Variants in CATSPERE observed in about 807,000 individuals in gnomAD.
CATSPERE encodes the protein catsper channel auxiliary subunit epsilon.
Under a neutral mutation model 114.1 loss-of-function variants are expected in CATSPERE, and 93 were observed. That is an observed-to-expected ratio of 0.81 (90% CI 0.69 to 0.97). The LOEUF is 0.97. Ranked by LOEUF, CATSPERE falls within the 50% of genes least tolerant of loss-of-function variation. The pLI is 0.00. For missense variants in CATSPERE, 1,058 were observed against 1,131.6 expected (o/e 0.93, Z 0.93); for synonymous variants, 341 against 384.1 (o/e 0.89, Z 1.31).
chr1:244,515,335 T>A, intron 7 of CATSPERE: 1 of 980,682 alleles, frequency 1.0e-6, no homozygotes, highest in South Asian at 4.7e-5. Flanking sequence ...ATGGTGAGAT[T>A]TTTTTCATTA....
At position 244,593,272 on chromosome 1, in the gene CATSPERE, G is replaced by T. The variant is rs907057587; in HGVS notation, c.2190-123G>T. 1.3e-5 allele frequency: 12 copies of T among 947,186 alleles called. No individual in the cohort carries two copies. The Admixed American group carries it at 2.7e-4, about 21-fold the overall frequency. The allele number at this position is 947,186 out of a possible 1,614,324, so 58.7% of individuals were successfully genotyped here. ...GGATATACATGTAGAAAGTGCCTCA[G>T]TATTTCATAATTATATTTATCTGTT... On this transcript the variant is annotated intron_variant, in intron 15 of 21. Transcript: ENST00000366534.
chr1:244,585,346 C>G (rs1666882815), intron 13 of CATSPERE, among the ~76,000 whole-genome samples: 1 of 152,184 alleles, frequency 6.6e-6, no homozygotes, highest in Non-Finnish European at 1.5e-5. Flanking sequence ...TCTGTTTCCT[C>G]TTTGGTACCC....
At chr1:244,496,424 G>A (rs1430933929) in intron 6 of CATSPERE, among the ~76,000 whole-genome samples, 1 of 152,196 alleles carries the variant, frequency 6.6e-6, no homozygotes, top group African/African-American at 2.4e-5. Flanking sequence ...TGGATGGGTA[G>A]ACTTGGCTGG....
chr1:244,452,299 G>A (rs1159088396), upstream of CATSPERE, among the ~76,000 whole-genome samples: 1 of 152,276 alleles, frequency 6.6e-6, no homozygotes. Flanking sequence ...GGGCTGCGGC[G>A]GTGTATTCTG....
chr1:244,489,062 C>G (rs766980008), intron 5 of CATSPERE, among the ~76,000 whole-genome samples: 4 of 152,178 alleles, frequency 2.6e-5, no homozygotes, highest in Non-Finnish European at 4.4e-5. Context: ...ATGCAGGTAA[C>G]TTTACAGTGA....
chr1:244,553,375 C>T (rs1360838222), intron 9 of CATSPERE, among the ~76,000 whole-genome samples: 2 of 151,670 alleles, frequency 1.3e-5, no homozygotes, highest in African/African-American at 4.9e-5. Context: ...TGGTGAAACC[C>T]CGTCTCTACT....
intron 17 of CATSPERE, among the ~76,000 whole-genome samples, chr1:244,603,954 C>T (rs1669628945): frequency 6.6e-6 from 1 of 152,210 alleles, no homozygotes; most frequent in African/African-American, 2.4e-5. Flanking sequence ...GATTGTGCCA[C>T]TGCACTCCAG....
intron 4 of CATSPERE, among the ~76,000 whole-genome samples, chr1:244,478,545 G>A (rs1669729767): frequency 6.6e-6 from 1 of 152,194 alleles, no homozygotes; most frequent in African/African-American, 2.4e-5. Flanking sequence ...CAGTTCTACA[G>A]ATACCATGTC....
chr1:244,467,229 T>C (rs923411321), intron 2 of CATSPERE, among the ~76,000 whole-genome samples: 1 of 152,190 alleles, frequency 6.6e-6, no homozygotes, highest in African/African-American at 2.4e-5. Flanking sequence ...CAGGCCCAGA[T>C]GGTTTTGTGT....
chr1:244,588,697 G>T (rs1381261898), intron 14 of CATSPERE, among the ~76,000 whole-genome samples, 163 bp downstream of exon 14: 1 of 152,136 alleles, frequency 6.6e-6, no homozygotes, highest in East Asian at 1.9e-4. Context: ...TTAAACTTTT[G>T]CCAAGTTAAA....
At chr1:244,458,574 T>G (rs1666367649), upstream of CATSPERE, among the ~76,000 whole-genome samples, 1 of 152,266 alleles carries the variant, frequency 6.6e-6, no homozygotes, top group African/African-American at 2.4e-5. Context: ...GCTAATGTGT[T>G]AAACATTGCT....
upstream of CATSPERE, among the ~76,000 whole-genome samples, chr1:244,453,105 T>C (rs1280124761): frequency 6.6e-6 from 1 of 152,172 alleles, no homozygotes; most frequent in Non-Finnish European, 1.5e-5. Context: ...ACTGATAACA[T>C]AGGAGAAATA....
upstream of CATSPERE, among the ~76,000 whole-genome samples, chr1:244,460,458 T>C (rs1489024052): frequency 6.6e-6 from 1 of 152,186 alleles, no homozygotes. Flanking sequence ...CCCTATGATT[T>C]CACCCCTGAC....
chr1:244,608,710 C>G (rs1394841227), intron 18 of CATSPERE, among the ~76,000 whole-genome samples: 5 of 152,162 alleles, frequency 3.3e-5, no homozygotes. Flanking sequence ...CTCTCTCTCA[C>G]GTTTCCTCCC....
At chr1:244,551,869 C>T (rs1660691200) in intron 8 of CATSPERE, among the ~76,000 whole-genome samples, 1 of 151,762 alleles carries the variant, frequency 6.6e-6, no homozygotes, top group Non-Finnish European at 1.5e-5. Flanking sequence ...TTGAGACCAT[C>T]CTGGCTAACA....
chr1:244,502,913 G>A (rs1674286701), intron 7 of CATSPERE, among the ~76,000 whole-genome samples: 1 of 152,126 alleles, frequency 6.6e-6, no homozygotes, highest in Non-Finnish European at 1.5e-5. Context: ...ATCCCCCATT[G>A]GTCAGAGGTT....
intron 5 of CATSPERE, among the ~76,000 whole-genome samples, chr1:244,480,498 T>C (rs77469573): frequency 0.011 from 1,659 of 152,270 alleles, 40 homozygotes; most frequent in African/African-American, 0.038. Flanking sequence ...TCTGTGATAA[T>C]ATTGTTAATT....
chr1:244,496,326 C>A (rs1205856047), intron 6 of CATSPERE, among the ~76,000 whole-genome samples: 1 of 152,106 alleles, frequency 6.6e-6, no homozygotes, highest in Non-Finnish European at 1.5e-5. Flanking sequence ...TGAGTCCTTG[C>A]TAGGTGAACA....
At chr1:244,574,280 G>C (rs1664908715) in intron 11 of CATSPERE, among the ~76,000 whole-genome samples, 2 of 152,092 alleles carry the variant, frequency 1.3e-5, no homozygotes, top group African/African-American at 4.8e-5. Context: ...GTCCAGCACA[G>C]ATATCTCGGT....
Sources: allele counts gnomAD v4.1 joint callset (sites outside exome capture counted in the v4.1 genomes callset), GRCh38; gene constraint gnomAD v4.1.1; transcripts MANE v1.5; gene names NCBI Gene and HGNC (gene_info 2026-07-23, HGNC 2026-07-21).